The following LRRC37A variants were observed in gnomAD, a reference collection of about 807,000 sequenced individuals.
LRRC37A encodes leucine rich repeat containing 37A.
A neutral mutation model predicts 35.4 loss-of-function variants in LRRC37A; 3 were observed. The ratio of observed to expected loss-of-function variants is 0.08; its 90% CI spans 0.04 to 0.22. The LOEUF (loss-of-function observed/expected upper bound fraction) is 0.22, where lower values mean the gene tolerates loss of function less well. Among genes scored for constraint, LRRC37A ranks in the 10% least tolerant of loss-of-function variants. LRRC37A has a pLI of 1.00. For missense variants in LRRC37A, 67 were observed against 565.3 expected (o/e 0.12, Z 8.94); for synonymous variants, 23 against 215.0 (o/e 0.11, Z 7.81).
the LRRC37A span, chr17:46,267,028 GCGCCT>G: frequency 3.0e-5 from 6 of 199,914 alleles, no homozygotes; most frequent in African/African-American, 1.4e-4. Flanking sequence ...CGCCGCCGCC[GCGCCT>G]CAGCTTCAGA....
chr17:46,264,277 T>TTA, the LRRC37A span, among the ~76,000 whole-genome samples: 1 of 151,362 alleles, frequency 6.6e-6, no homozygotes, highest in African/African-American at 2.5e-5. Flanking sequence ...AAATTCTTTA[T>TTA]TATACAACAC....
At chr17:46,284,205 C>T in the LRRC37A span, among the ~76,000 whole-genome samples, 99 of 152,338 alleles carry the variant, frequency 6.5e-4, no homozygotes, top group African/African-American at 2.3e-3. Context: ...TCCCTTCCCA[C>T]GAGGCCATAT....
At chr17:46,267,659 G>A in the LRRC37A span, 3 of 1,321,850 alleles carry the variant, frequency 2.3e-6, no homozygotes, top group South Asian at 1.2e-5. Flanking sequence ...TTAGGATTTA[G>A]ACGACAGGTA....
chr17:46,259,781 A>T, the LRRC37A span: 2 of 1,560,948 alleles, frequency 1.3e-6, no homozygotes, highest in South Asian at 2.3e-5. Flanking sequence ...ATGCCCAAAC[A>T]CTTGGTGAGG....
the LRRC37A span, among the ~76,000 whole-genome samples, chr17:46,265,441 CTCCTCCTCCTCT>C: frequency 5.4e-5 from 8 of 147,818 alleles, no homozygotes; most frequent in Admixed American, 1.4e-4. Flanking sequence ...TCCTCTTCCT[CTCCTCCTCCTCT>C]TCCTCCTCCT....
chr17:46,287,984 C>G (rs1189100404), upstream of LRRC37A, among the ~76,000 whole-genome samples: 8 of 152,232 alleles, frequency 5.3e-5, no homozygotes, highest in Non-Finnish European at 1.0e-4. Flanking sequence ...TACCATGAAT[C>G]ACAGGGAAGC....
chr17:46,259,959 C>T, the LRRC37A span: 1 of 1,577,522 alleles, frequency 6.3e-7, no homozygotes, highest in Non-Finnish European at 8.6e-7. Flanking sequence ...TCAGTTCTGG[C>T]TTGAGCCACT....
the LRRC37A span, among the ~76,000 whole-genome samples, chr17:46,262,967 C>G: frequency 6.6e-6 from 1 of 152,192 alleles, no homozygotes; most frequent in African/African-American, 2.4e-5. Flanking sequence ...CATCCAAGCA[C>G]TTTGTGAGGC....
chr17:46,271,076 A>C, the LRRC37A span, among the ~76,000 whole-genome samples: 1 of 151,368 alleles, frequency 6.6e-6, no homozygotes, highest in African/African-American at 2.4e-5. Flanking sequence ...TCTTCCCTCC[A>C]CCTCCTCAAG....
Position 46,325,548 on chromosome 17 carries a change from A to G in LRRC37A, c.3053+2521A>G, listed in dbSNP as rs1414499395. 3.7e-5 allele frequency among the ~76,000 whole-genome samples: 3 copies of G among 82,038 alleles called. 1 individual carries two copies. The highest frequency in any genetic ancestry group is 9.3e-5 in the African/African-American group (3 of 32,166). The allele number at this position is 82,038 out of a possible 152,430, so 53.8% of individuals were successfully genotyped here. ...ACAGTTCTAGATTGAAGGAGACTAAAGAATCATGTACTAAGTGTAATGTCT... is the reference window on the plus strand; with the variant it reads ...ACAGTTCTAGATTGAAGGAGACTAAGGAATCATGTACTAAGTGTAATGTCT... On this transcript the variant is annotated intron_variant, in intron 7 of 13. Coordinates refer to ENST00000320254, the Ensembl canonical transcript of LRRC37A.
chr17:46,285,403 A>G, the LRRC37A span, among the ~76,000 whole-genome samples: 19,470 of 150,158 alleles, frequency 0.13, 2 homozygotes, highest in Middle Eastern at 0.2. Context: ...ACCACACCCG[A>G]CTAGTTTTTT....
At chr17:46,265,159 C>G in the LRRC37A span, among the ~76,000 whole-genome samples, 47 of 152,322 alleles carry the variant, frequency 3.1e-4, no homozygotes, top group Middle Eastern at 6.8e-3. Flanking sequence ...CCTCCAACAC[C>G]TGAATGAGGG....
the LRRC37A span, among the ~76,000 whole-genome samples, chr17:46,255,655 C>T: frequency 7.9e-5 from 12 of 151,180 alleles, no homozygotes; most frequent in East Asian, 2.0e-4. Flanking sequence ...CATGAGCCAC[C>T]GCGCCCGGCC....
At chr17:46,282,417 G>GA in the LRRC37A span, among the ~76,000 whole-genome samples, 1 of 144,492 alleles carries the variant, frequency 6.9e-6, no homozygotes, top group East Asian at 2.1e-4. Context: ...TTTTTTGTTT[G>GA]TTTTTTTTTT....
the LRRC37A span, among the ~76,000 whole-genome samples, chr17:46,252,699 C>T: frequency 1.3e-5 from 2 of 151,614 alleles, no homozygotes; most frequent in East Asian, 1.9e-4. Flanking sequence ...GGTAAGGTCA[C>T]AGATCAACAG....
chr17:46,286,420 T>C, the LRRC37A span, among the ~76,000 whole-genome samples: 1 of 152,352 alleles, frequency 6.6e-6, no homozygotes, highest in East Asian at 1.9e-4. Context: ...TCCTATAAGG[T>C]AATAACAGAG....
chr17:46,249,422 G>C, the LRRC37A span, among the ~76,000 whole-genome samples: 1 of 152,198 alleles, frequency 6.6e-6, no homozygotes, highest in South Asian at 2.1e-4. Flanking sequence ...CAAATTTAAG[G>C]AGCACCTTTT....
chr17:46,270,737 T>C, the LRRC37A span, among the ~76,000 whole-genome samples: 1 of 152,150 alleles, frequency 6.6e-6, no homozygotes, highest in Non-Finnish European at 1.5e-5. Context: ...CGAAACTCTG[T>C]CTCTACTAAA....
At chr17:46,266,669 C>T in the LRRC37A span, among the ~76,000 whole-genome samples, 9 of 152,200 alleles carry the variant, frequency 5.9e-5, no homozygotes, top group African/African-American at 2.2e-4. Context: ...ATCGTCGGAT[C>T]ATCCCCCGAA....
Sources: allele counts gnomAD v4.1 joint callset (sites outside exome capture counted in the v4.1 genomes callset), GRCh38; gene constraint gnomAD v4.1.1; transcripts MANE v1.5; gene names NCBI Gene and HGNC (gene_info 2026-07-23, HGNC 2026-07-21).